Variants in LMNA observed in about 807,000 individuals in gnomAD.
LMNA encodes the protein lamin.
LMNA carries 20 observed loss-of-function variants against 70.4 expected under a neutral mutation model. The observed-to-expected ratio is 0.28, with a 90% CI of 0.20 to 0.41. The LOEUF (loss-of-function observed/expected upper bound fraction) is 0.41, where lower values mean the gene tolerates loss of function less well. Ranked by LOEUF, LMNA falls within the 10% of genes least tolerant of loss-of-function variation. The probability of loss-of-function intolerance (pLI) is 1.00; values close to 1 mark genes in which losing one functional copy is unlikely to be tolerated. For missense variants in LMNA, 652 were observed against 917.2 expected (o/e 0.71, Z 3.73); for synonymous variants, 339 against 372.8 (o/e 0.91, Z 1.04).
At chr1:156,084,173 G>C (rs1487881060) in intron 2 of LMNA, among the ~76,000 whole-genome samples, 1 of 152,158 alleles carries the variant, frequency 6.6e-6, no homozygotes, top group African/African-American at 2.4e-5. Flanking sequence ...GTCCTGCTGA[G>C]AGGCAAGGAA....
chr1:156,095,678 A>G (rs935445673), intron 3 of LMNA, among the ~76,000 whole-genome samples: 4 of 152,150 alleles, frequency 2.6e-5, no homozygotes, highest in African/African-American at 9.7e-5. Flanking sequence ...TCTAACGCCA[A>G]CATCCTTGTA....
intron 2 of LMNA, among the ~76,000 whole-genome samples, chr1:156,088,870 T>C (rs751978553): frequency 6.6e-5 from 10 of 152,208 alleles, no homozygotes; most frequent in Non-Finnish European, 1.5e-4. Context: ...GCCAGGATGG[T>C]CTCAATCTCC....
At chr1:156,098,853 G>C (rs992987546) in intron 3 of LMNA, among the ~76,000 whole-genome samples, 1 of 152,208 alleles carries the variant, frequency 6.6e-6, no homozygotes, top group African/African-American at 2.4e-5. Flanking sequence ...GGAGAGAAAG[G>C]GAGGAACATA....
In LMNA at chr1:156,137,107, C is replaced by T. The variant is rs1651712389; in HGVS notation, c.1489-6C>T. 6.2e-6 allele frequency: 10 copies of T among 1,613,938 alleles called. No homozygotes were observed. Among genetic ancestry groups the T allele is most frequent in the Non-Finnish European group, 8.5e-6 (10 of 1,179,918 alleles). On this transcript the variant is annotated splice_region_variant and splice_polypyrimidine_tract_variant and intron_variant, in intron 8 of 11. Transcript: ENST00000368300. This position sits in a 1 kb window ranked among gnomAD's most constrained non-coding sequence, Gnocchi z 4.6. ...GCTGGGGTAAGTGTCCTTTTCTCCT[C>T]TCCAGATCTGGGCTGCAGGAGCTGG...
rs142020606 is a variant in LMNA, at chr1:156,091,149, C to T, written c.-207+567C>T. ...GGTCTGAGCAGCTCCCCCGGTCACC[C>T]GGAGACCCCTCCAGTCGCCTAAACC... On this transcript the variant is annotated intron_variant, in intron 3 of 12. Transcript: ENST00000368301. The T allele has an allele frequency of 2.5e-3, 386 of 152,412 alleles. 5 individuals carry two copies. The highest frequency in any genetic ancestry group is 1.7e-3 in the Non-Finnish European group (114 of 68,110). The allele number at this position is 152,412 out of a possible 1,614,324, so 9.4% of individuals were successfully genotyped here. A position where few individuals can be genotyped will look rare whatever the true frequency, so the allele number is the denominator to read the frequency against.
At chr1:156,126,132 T>C (rs1650553579) in intron 1 of LMNA, 7 of 1,501,652 alleles carry the variant, frequency 4.7e-6, no homozygotes, top group Non-Finnish European at 5.3e-6. Context: ...GCGATGTTCC[T>C]GGGAGACAGG....
chr1:156,101,636 AAGGGAGGGAGGGAGGGAGGG>A (rs369909996), intron 3 of LMNA, among the ~76,000 whole-genome samples: 2 of 101,920 alleles, frequency 2.0e-5, no homozygotes, highest in Admixed American at 1.2e-4. Flanking sequence ...GGAAGGAAGG[AAGGGAGGGAGGGAGGGAGGG>A]AGGGAGGGAG....
At position 156,126,692 on chromosome 1, in the gene LMNA, C is replaced by A. The variant is rs1473254594; in HGVS notation, c.357-3925C>A. ...CATTTCTACCTTATTCTTTTCCTCTCTGTTCCCCTCCCCACCCCCTCTCTT... is the reference window on the plus strand; with the variant it reads ...CATTTCTACCTTATTCTTTTCCTCTATGTTCCCCTCCCCACCCCCTCTCTT... On this transcript the variant is annotated intron_variant, in intron 1 of 11. Transcript: ENST00000368300. The A allele has an allele frequency of 2.0e-6, 3 of 1,518,400 alleles. 1 individual carries two copies. Among genetic ancestry groups the A allele is most frequent in the South Asian group, 2.4e-5 (2 of 83,054 alleles). The allele number at this position is 1,518,400 out of a possible 1,614,324, so 94.1% of individuals were successfully genotyped here.
At chr1:156,133,977 G>T (rs1359640600) in intron 2 of LMNA, among the ~76,000 whole-genome samples, 1 of 152,092 alleles carries the variant, frequency 6.6e-6, no homozygotes, top group African/African-American at 2.4e-5. Flanking sequence ...TATAGCAGTT[G>T]CTATGTTGTG....
At chr1:156,130,035 G>GCCT (rs1198584325) in intron 1 of LMNA, 1 of 616,832 alleles carries the variant, frequency 1.6e-6, no homozygotes, top group African/African-American at 1.8e-5. Flanking sequence ...TATTGTGCCT[G>GCCT]GTCATCCTTG....
chr1:156,136,489 G>T lies in LMNA; in HGVS notation c.1380+53G>T, dbSNP rs772405629. 1 of 1,505,566 alleles carries T rather than the reference G, an allele frequency of 6.6e-7. No individual in the cohort carries two copies. Among genetic ancestry groups the T allele is most frequent in the Non-Finnish European group, 9.0e-7 (1 of 1,111,308 alleles). 93.3% of individuals were successfully genotyped at this position (1,505,566 alleles called of 1,614,324 possible). ...ATACAGCTGCATCAGGGAGAGAGTGGCAAGACAGAAGGATGGCATGTGGAG... is the reference window on the plus strand; with the variant it reads ...ATACAGCTGCATCAGGGAGAGAGTGTCAAGACAGAAGGATGGCATGTGGAG... On this transcript the variant is annotated intron_variant, in intron 7 of 11. Transcript: ENST00000368300. The surrounding 1 kb of genome is among the most constrained non-coding windows in gnomAD (Gnocchi z 6.1).
intron 3 of LMNA, among the ~76,000 whole-genome samples, chr1:156,099,519 G>C (rs1354447871): frequency 6.6e-6 from 1 of 152,192 alleles, no homozygotes; most frequent in Non-Finnish European, 1.5e-5. Context: ...TGAGGCTGGG[G>C]CAGGAGGATT....
upstream of LMNA, chr1:156,114,670 A>G: frequency 2.1e-6 from 1 of 470,838 alleles, no homozygotes; most frequent in Non-Finnish European, 3.7e-6. Flanking sequence ...CTCCCTTCAG[A>G]GGAGGACCTA....
At position 156,114,773 on chromosome 1, in the gene LMNA, G is replaced by A; in HGVS notation, c.-146G>A. 1.6e-6 allele frequency: 1 copy of A among 618,910 alleles called. No homozygotes were observed. 38.3% of individuals were successfully genotyped at this position (618,910 alleles called of 1,614,324 possible). ...CAGATCCCGAGGTCCGACAGCGCCC[G>A]GCCCAGATCCCCACGCCTGCCAGGA... On this transcript the variant is annotated 5_prime_UTR_variant, in exon 1 of 12. Transcript: ENST00000368300.
chr1:156,126,355 A>G, intron 1 of LMNA: 1 of 773,444 alleles, frequency 1.3e-6, no homozygotes, highest in Non-Finnish European at 2.0e-6. Flanking sequence ...CTTCTCCCCC[A>G]GATTGGGAGA....
chr1:156,093,299 ATTTTTTTTTTTT>A (rs758670532), intron 3 of LMNA, among the ~76,000 whole-genome samples: 13 of 113,948 alleles, frequency 1.1e-4, no homozygotes, highest in African/African-American at 5.1e-4. Flanking sequence ...TTATATGTCA[ATTTTTTTTTTTT>A]TTTTTTTTTT....
At chr1:156,129,938 A>G (rs1367559107) in intron 1 of LMNA, 1 of 746,264 alleles carries the variant, frequency 1.3e-6, no homozygotes, top group African/African-American at 1.7e-5. Context: ...CAGGGCACGG[A>G]TGAGGCAGGA....
intron 2 of LMNA, among the ~76,000 whole-genome samples, chr1:156,083,914 G>C (rs1648372180): frequency 6.6e-6 from 1 of 152,218 alleles, no homozygotes; most frequent in South Asian, 2.1e-4. Flanking sequence ...CAGGAAGGTG[G>C]AGTGTAATGC....
At chr1:156,105,002 A>G (rs1412827135) in intron 3 of LMNA, among the ~76,000 whole-genome samples, 2 of 152,136 alleles carry the variant, frequency 1.3e-5, no homozygotes, top group Admixed American at 1.3e-4. Context: ...AGGGCCTGAG[A>G]GCATGCCAGT....
Sources: gnomAD v4.1 joint callset for allele counts (sites outside exome capture counted in the v4.1 genomes callset) on GRCh38, gnomAD v4.1.1 for gene constraint, Gnocchi (gnomAD v3.1) non-coding constraint, MANE v1.5 for transcripts, NCBI Gene and HGNC (gene_info 2026-07-23, HGNC 2026-07-21) for gene names.